Variants in PLA2R1 observed in about 807,000 individuals in gnomAD.
PLA2R1 encodes secretory phospholipase A2 receptor.
A neutral mutation model predicts 195.9 loss-of-function variants in PLA2R1; 158 were observed. That is an observed-to-expected ratio of 0.81 (90% CI 0.71 to 0.92). The LOEUF (loss-of-function observed/expected upper bound fraction) is 0.92. Ranked by LOEUF, PLA2R1 falls within the 40% of genes least tolerant of loss-of-function variation. PLA2R1 has a pLI of 0.00. For synonymous variants in PLA2R1, 586 were observed against 598.2 expected (o/e 0.98, Z 0.30); for missense variants, 1,626 against 1,764.6 (o/e 0.92, Z 1.41).
At chr2:160,046,356 G>A (rs980872675) in intron 1 of PLA2R1, among the ~76,000 whole-genome samples, 2 of 152,162 alleles carry the variant, frequency 1.3e-5, no homozygotes, top group African/African-American at 4.8e-5. Flanking sequence ...ACTCTGAAGG[G>A]ACAAGATAGG....
At chr2:160,008,279 C>T (rs1235231397) in intron 10 of PLA2R1, among the ~76,000 whole-genome samples, 2 of 152,160 alleles carry the variant, frequency 1.3e-5, no homozygotes, top group African/African-American at 4.8e-5. Context: ...GTACTCCAGC[C>T]TGGGTGATAG....
Position 160,028,925 on chromosome 2 carries a change from G to A in PLA2R1, c.880C>T (p.Leu294Phe), listed in dbSNP as rs1327806722. The change falls in exon 5 of 30, where the codon CTC becomes TTC. Residue 294 changes from leucine (L) to phenylalanine (F), a missense_variant. Physicochemically the swap from Leu to Phe is conservative, Grantham distance 22. Coordinates refer to ENST00000283243, the MANE Select transcript of PLA2R1 (RefSeq NM_007366.5). ...SSKTVEVWMGLNQLDEHAGWQ... is the reference protein window; with the variant it reads ...SSKTVEVWMGFNQLDEHAGWQ... ...CCAGCGTGTTCATCCAGCTGATTGA[G>A]GCCCATCCACACCTCCACTGTTTTA... 1 of 1,609,844 alleles carries A rather than the reference G, an allele frequency of 6.2e-7. No homozygotes were observed. Among genetic ancestry groups the A allele is most frequent in the East Asian group, 2.2e-5 (1 of 44,878 alleles).
chr2:159,966,062 G>T (rs542685857), intron 20 of PLA2R1, among the ~76,000 whole-genome samples: 17 of 152,146 alleles, frequency 1.1e-4, no homozygotes, highest in Non-Finnish European at 2.5e-4. Flanking sequence ...GTAAAATGAG[G>T]ATAGTAATTC....
chr2:159,969,132 A>G (rs1688975959), intron 19 of PLA2R1, 124 bp downstream of exon 19: 1 of 591,688 alleles, frequency 1.7e-6, no homozygotes, highest in South Asian at 2.1e-5. Flanking sequence ...ACAAAACTGA[A>G]CACGTCAACT....
chr2:159,987,389 C>A lies in PLA2R1; in HGVS notation c.1835-31G>T. ...AGCAGAAAACAAGCATTTTTAATAC[C>A]AGACGACTAAAACGTTTTGTGCTCA... is the stretch of plus-strand genomic sequence containing the variant. On this transcript the variant is annotated intron_variant, in intron 11 of 29. Coordinates refer to ENST00000283243, the MANE Select transcript of PLA2R1 (RefSeq NM_007366.5). 4 of 1,519,322 alleles carry A rather than the reference C, an allele frequency of 2.6e-6. No homozygotes were observed. In the South Asian group the frequency reaches 4.6e-5, roughly 18 times the overall value. 94.1% of individuals were successfully genotyped at this position (1,519,322 alleles called of 1,614,324 possible). A position where few individuals can be genotyped will look rare whatever the true frequency, so the allele number is the denominator to read the frequency against.
Position 159,934,164 on chromosome 2 carries a change from T to A in PLA2R1, c.*7614A>T, listed in dbSNP as rs1686702160. 1 of 152,242 alleles carries A rather than the reference T, an allele frequency of 6.6e-6. No individual in the cohort carries two copies. The highest frequency in any genetic ancestry group is 2.1e-4 in the South Asian group (1 of 4,832). 9.4% of individuals were successfully genotyped at this position (152,242 alleles called of 1,614,324 possible). On this transcript the variant is annotated 3_prime_UTR_variant, in exon 30 of 30. Coordinates refer to ENST00000283243, the MANE Select transcript of PLA2R1 (RefSeq NM_007366.5). Reference sequence around the variant, plus strand: ...ATGTACATGCCATTTTGGAAATGTCTCCAAATTTTTCTTCTCCAAGAACAA... The same window carrying A: ...ATGTACATGCCATTTTGGAAATGTCACCAAATTTTTCTTCTCCAAGAACAA...
chr2:159,958,469 C>T (rs1257991564), intron 20 of PLA2R1, among the ~76,000 whole-genome samples: 1 of 152,078 alleles, frequency 6.6e-6, no homozygotes, highest in African/African-American at 2.4e-5. Context: ...TGGTCTAATA[C>T]AATATCTTTC....
Position 159,951,354 on chromosome 2 carries a change from G to C in PLA2R1, c.3526C>G (p.Leu1176Val), listed in dbSNP as rs769834373. The C allele has an allele frequency of 5.6e-6, 9 of 1,599,430 alleles. No individual in the cohort carries two copies. The African/African-American group carries it at 1.2e-4, about 21-fold the overall frequency. Residue 1176 changes from leucine to valine, a missense_variant, in exon 24 of 30, where the codon CTG becomes GTG. By Grantham distance (32) the Leu-to-Val change is conservative. Coordinates refer to ENST00000283243, the MANE Select transcript of PLA2R1 (RefSeq NM_007366.5). The stretch of plus-strand genomic sequence containing the variant: ...AGGATACCTACATCTGTGGTGAACA[G>C]TCCAATCCAGTGGGCATATCCTAGC... ...NRLGYAHWIG[L>V]FTTDNGLNFD...
intron 3 of PLA2R1, among the ~76,000 whole-genome samples, chr2:160,033,703 C>A (rs1057083969): frequency 2.0e-5 from 3 of 152,142 alleles, no homozygotes; most frequent in African/African-American, 7.2e-5. Context: ...AAGACACTGG[C>A]CGAAGATTGC....
In PLA2R1 at chr2:159,935,405, C is replaced by A. The variant is rs766370523; in HGVS notation, c.*6373G>T. ...TTTCTCCCATTTCTTCTACATTTAT[C>A]AATTGGAATTTACTGGGGAGAAGAA... On this transcript the variant is annotated 3_prime_UTR_variant, in exon 30 of 30. Transcript: ENST00000283243. 5 of 152,198 alleles carry A rather than the reference C, an allele frequency of 3.3e-5. No individual in the cohort carries two copies. Among genetic ancestry groups the A allele is most frequent in the Non-Finnish European group, 7.3e-5 (5 of 68,028 alleles). The allele number at this position is 152,198 out of a possible 1,614,324, so 9.4% of individuals were successfully genotyped here.
At chr2:160,021,482 C>T (rs1310920898) in intron 7 of PLA2R1, among the ~76,000 whole-genome samples, 4 of 152,186 alleles carry the variant, frequency 2.6e-5, no homozygotes, top group Admixed American at 6.5e-5. Flanking sequence ...TCATATCTTT[C>T]GCACACAGGT....
intron 17 of PLA2R1, among the ~76,000 whole-genome samples, chr2:159,974,401 G>C (rs1013506318): frequency 2.6e-5 from 4 of 152,110 alleles, no homozygotes; most frequent in Admixed American, 2.6e-4. Context: ...CTTCCCACAG[G>C]GGGTTCTTGG....
rs751281506 is a variant in PLA2R1 at position 159,941,852 on chromosome 2, G to T, written c.4318C>A (p.Pro1440Thr). 1 of 1,612,854 alleles carries T rather than the reference G, an allele frequency of 6.2e-7. No individual in the cohort carries two copies. The highest frequency in any genetic ancestry group is 1.1e-5 in the South Asian group (1 of 91,054). ...TATACTGTACTAAAGTTGGTTGCAG[G>T]ATAGTAAGGATTCCGAAACCCTGCA... is the stretch of plus-strand genomic sequence containing the variant. ...RLAGFRNPYY[P>T]ATNFSTVYLE... The change falls in exon 30 of 30, where the codon CCT becomes ACT. Residue 1440 changes from proline to threonine, a missense_variant. Coordinates refer to ENST00000283243, the MANE Select transcript of PLA2R1 (RefSeq NM_007366.5).
At chr2:159,988,645 C>T (rs150212997) in intron 11 of PLA2R1, among the ~76,000 whole-genome samples, 28 of 152,262 alleles carry the variant, frequency 1.8e-4, no homozygotes, top group Admixed American at 1.4e-3. Flanking sequence ...AGATGACTGA[C>T]GACTTGCGAT....
chr2:159,981,634 C>G (rs567491070), intron 13 of PLA2R1, among the ~76,000 whole-genome samples: 2 of 152,158 alleles, frequency 1.3e-5, no homozygotes, highest in East Asian at 3.9e-4. Flanking sequence ...TTCTCTAACT[C>G]CTGGGCTCAA....
At position 160,033,022 on chromosome 2, in the gene PLA2R1, A is replaced by G. The variant is rs922191425; in HGVS notation, c.778T>C (p.Cys260Arg). 3.1e-6 allele frequency: 5 copies of G among 1,613,606 alleles called. No individual in the cohort carries two copies. In the African/African-American group the frequency reaches 5.3e-5, roughly 17 times the overall value. ...AACAGCGTACCTCCTTGCATCTGGC[A>G]TGAAGAATGTGCCTCACTCCAAGAG... is the stretch of plus-strand genomic sequence containing the variant. The part of the protein sequence containing the change: ...SLSWSEAHSS[C>R]QMQGGTLLSI... The change falls in exon 4 of 30, where the codon TGC becomes CGC. Residue 260 changes from cysteine (C) to arginine (R), a missense_variant. Cys to Arg is a radical substitution (Grantham distance 180). Transcript: ENST00000283243.
At chr2:160,045,844 C>T (rs1168369685) in intron 1 of PLA2R1, among the ~76,000 whole-genome samples, 9 of 152,136 alleles carry the variant, frequency 5.9e-5, no homozygotes. Flanking sequence ...GGCACCACAC[C>T]TTGAAACACG....
At chr2:159,979,125 C>A (rs143221056) in intron 14 of PLA2R1, among the ~76,000 whole-genome samples, 8 of 152,270 alleles carry the variant, frequency 5.3e-5, no homozygotes, top group African/African-American at 1.7e-4. Context: ...AGGAGTCTCC[C>A]CATTTCACAG....
rs541902994 is a variant in PLA2R1 at position 160,023,913 on chromosome 2, C to T, written c.1100-1054G>A. Among the ~76,000 whole-genome samples, 765 of 150,812 alleles carry T rather than the reference C, an allele frequency of 5.1e-3. 4 individuals are homozygous for T. Among genetic ancestry groups the T allele is most frequent in the Non-Finnish European group, 7.7e-3 (518 of 67,658 alleles). ...CACCCCCACCATCTCCCCCAACCCC[C>T]GTTATAAGCAGCTCAGAGCCAGGAG... On this transcript the variant is annotated intron_variant, in intron 6 of 29. Coordinates refer to ENST00000283243, the MANE Select transcript of PLA2R1 (RefSeq NM_007366.5).
Sources: gnomAD v4.1 joint callset for allele counts (sites outside exome capture counted in the v4.1 genomes callset) on GRCh38, gnomAD v4.1.1 for gene constraint, MANE v1.5 for transcripts, NCBI Gene and HGNC (gene_info 2026-07-23, HGNC 2026-07-21) for gene names.